The following PIGU variants were observed in gnomAD, a reference collection of about 807,000 sequenced individuals.
The protein encoded by PIGU is GPI-anchor transamidase component PIGU.
Under a neutral mutation model 49.9 loss-of-function variants are expected in PIGU, and 24 were observed. That is an observed-to-expected ratio of 0.48 (90% CI 0.35 to 0.68). The LOEUF is 0.68. Among genes scored for constraint, PIGU ranks in the 30% least tolerant of loss-of-function variants. The probability of loss-of-function intolerance (pLI) is 0.01; values close to 1 mark genes in which losing one functional copy is unlikely to be tolerated. For missense variants in PIGU, 490 were observed against 532.6 expected, an observed-to-expected ratio of 0.92 and a Z score of 0.79; for synonymous variants, 220 against 205.7, an observed-to-expected ratio of 1.07 and a Z score of -0.59.
At chr20:34,634,134 T>C (rs1213853243) in intron 6 of PIGU, among the ~76,000 whole-genome samples, 2 of 152,022 alleles carry the variant, frequency 1.3e-5, no homozygotes, top group African/African-American at 2.4e-5. Flanking sequence ...TGCAGTGGCA[T>C]GATCACAGCT....
In PIGU at chr20:34,654,876, G is replaced by A. The variant is rs968369543; in HGVS notation, c.195+2304C>T. 2.5e-4 allele frequency among the ~76,000 whole-genome samples: 29 copies of A among 116,732 alleles called. 10 individuals are homozygous for A. Among genetic ancestry groups the A allele is most frequent in the East Asian group, 1.3e-3 (5 of 3,770 alleles). The allele number at this position is 116,732 out of a possible 152,430, so 76.6% of individuals were successfully genotyped here. On this transcript the variant is annotated intron_variant, in intron 2 of 11. Coordinates refer to ENST00000217446, the MANE Select transcript of PIGU (RefSeq NM_080476.5). ...AAAAATTAGCCAGGCATGGTGGCGC[G>A]TGCCTGTGGTCCCAGCTTCTCGGGA... is the stretch of plus-strand genomic sequence containing the variant.
intron 1 of PIGU, among the ~76,000 whole-genome samples, chr20:34,657,926 A>ACCTCTC (rs201898673): frequency 2.7e-5 from 4 of 145,852 alleles, no homozygotes; most frequent in South Asian, 2.2e-4. Flanking sequence ...ATAATAAATA[A>ACCTCTC]CCTCTCCCTC....
intron 2 of PIGU, among the ~76,000 whole-genome samples, chr20:34,656,797 AGT>A (rs1220535185): frequency 6.6e-6 from 1 of 151,992 alleles, no homozygotes; most frequent in East Asian, 1.9e-4. Flanking sequence ...TTATGGGTTA[AGT>A]AAGTTTTTCT....
chr20:34,657,072 C>G (rs1227234185), intron 2 of PIGU, 108 bp downstream of exon 2: 2 of 870,502 alleles, frequency 2.3e-6, no homozygotes, highest in Admixed American at 2.7e-5. Flanking sequence ...TAAATATGAT[C>G]GTCAAGAATA....
intron 11 of PIGU, among the ~76,000 whole-genome samples, chr20:34,571,513 T>C (rs934658720): frequency 1.3e-5 from 2 of 152,188 alleles, no homozygotes; most frequent in African/African-American, 4.8e-5. Context: ...ATCTGGTTCC[T>C]AAGAGAGCTC....
intron 7 of PIGU, among the ~76,000 whole-genome samples, chr20:34,609,427 C>T (rs781370316): frequency 9.9e-5 from 15 of 151,866 alleles, no homozygotes; most frequent in Non-Finnish European, 2.1e-4. Context: ...TGCAGTGGCG[C>T]AATCTCGGCT....
intron 7 of PIGU, among the ~76,000 whole-genome samples, chr20:34,591,189 T>G (rs1983965274): frequency 6.6e-6 from 1 of 151,980 alleles, no homozygotes; most frequent in South Asian, 2.1e-4. Context: ...GAGATAAAAA[T>G]AGTCCAATAA....
At chr20:34,621,743 T>C (rs1985245037) in intron 6 of PIGU, among the ~76,000 whole-genome samples, 1 of 152,090 alleles carries the variant, frequency 6.6e-6, no homozygotes, top group South Asian at 2.1e-4. Context: ...TTCAAATATT[T>C]TAAACAAACT....
chr20:34,627,669 T>G (rs1423823480), intron 6 of PIGU, among the ~76,000 whole-genome samples: 3 of 152,196 alleles, frequency 2.0e-5, no homozygotes, highest in Non-Finnish European at 4.4e-5. Flanking sequence ...TCTCTATCTT[T>G]GCACTCGGCT....
intron 2 of PIGU, among the ~76,000 whole-genome samples, chr20:34,646,747 C>T (rs927381391): frequency 1.3e-5 from 2 of 152,132 alleles, no homozygotes; most frequent in African/African-American, 4.8e-5. Flanking sequence ...TATATTCTAA[C>T]TTCCAGTAAC....
chr20:34,609,842 G>C (rs970668675), intron 7 of PIGU, among the ~76,000 whole-genome samples: 8 of 152,174 alleles, frequency 5.3e-5, no homozygotes, highest in African/African-American at 1.9e-4. Context: ...CCCGGTGGGA[G>C]GTAATTGAAT....
chr20:34,650,595 A>G (rs1422502547), intron 2 of PIGU, among the ~76,000 whole-genome samples: 1 of 149,980 alleles, frequency 6.7e-6, no homozygotes, highest in East Asian at 2.0e-4. Context: ...AAGTCCAAGT[A>G]GTTTGATAAC....
At chr20:34,590,256 T>C in intron 7 of PIGU, among the ~76,000 whole-genome samples, 1 of 152,024 alleles carries the variant, frequency 6.6e-6, no homozygotes, top group Non-Finnish European at 1.5e-5. Context: ...ACTGTATAAC[T>C]AAAAATCATG....
At chr20:34,603,358 A>G (rs532726440) in intron 7 of PIGU, among the ~76,000 whole-genome samples, 117 of 152,306 alleles carry the variant, frequency 7.7e-4, no homozygotes, top group Non-Finnish European at 1.3e-3. Flanking sequence ...ATAATTTTAT[A>G]AAGATATATT....
intron 7 of PIGU, among the ~76,000 whole-genome samples, chr20:34,597,388 T>C (rs540019690): frequency 5.3e-5 from 8 of 152,362 alleles, no homozygotes; most frequent in Admixed American, 3.3e-4. Context: ...TATTATTTCA[T>C]TCCATTTATA....
intron 1 of PIGU, among the ~76,000 whole-genome samples, chr20:34,662,238 A>C (rs1017676316): frequency 4.6e-5 from 7 of 151,720 alleles, no homozygotes; most frequent in African/African-American, 1.7e-4. Flanking sequence ...ATGCCTGGCT[A>C]ATTTTTGTAT....
At chr20:34,592,986 C>T (rs897272757) in intron 7 of PIGU, among the ~76,000 whole-genome samples, 1 of 151,834 alleles carries the variant, frequency 6.6e-6, no homozygotes, top group Non-Finnish European at 1.5e-5. Context: ...TATTATAGTA[C>T]TAAATTTTTC....
At chr20:34,615,385 T>A (rs1458385725) in intron 7 of PIGU, among the ~76,000 whole-genome samples, 1 of 152,202 alleles carries the variant, frequency 6.6e-6, no homozygotes, top group African/African-American at 2.4e-5. Context: ...TGAGTGTTAT[T>A]ATAAAGAAAA....
Position 34,613,104 on chromosome 20 carries a change from A to G in PIGU, c.627+2938T>C, listed in dbSNP as rs73105064. On this transcript the variant is annotated intron_variant, in intron 7 of 11. Transcript: ENST00000217446. ...TACAGACGGTTACCAAGCACAGCCA[A>G]TTCTACCTCCTAGAATTCCCCTGCA... Among the ~76,000 whole-genome samples the G allele has an allele frequency of 5.3e-5, 8 of 152,014 alleles. No homozygotes were observed. The East Asian group carries it at 1.5e-3, about 29-fold the overall frequency.
Sources: gnomAD v4.1 joint callset for allele counts (sites outside exome capture counted in the v4.1 genomes callset) on GRCh38, gnomAD v4.1.1 for gene constraint, MANE v1.5 for transcripts, NCBI Gene and HGNC (gene_info 2026-07-23, HGNC 2026-07-21) for gene names.